CCSER1: variants seen among roughly 807,000 people sequenced by gnomAD.
CCSER1 encodes the protein serine-rich coiled-coil domain-containing protein 1.
Under a neutral mutation model 82.0 loss-of-function variants are expected in CCSER1, and 41 were observed. The ratio of observed to expected loss-of-function variants is 0.50; its 90% CI spans 0.39 to 0.65. The LOEUF (loss-of-function observed/expected upper bound fraction) is 0.65. Among genes scored for constraint, CCSER1 ranks in the 30% least tolerant of loss-of-function variants. The pLI is 0.00. For missense variants in CCSER1, 1,119 were observed against 1,064.2 expected, an observed-to-expected ratio of 1.05 and a Z score of -0.72; for synonymous variants, 414 against 383.9, an observed-to-expected ratio of 1.08 and a Z score of -0.92.
At chr4:90,966,370 C>A (rs1734561132) in intron 9 of CCSER1, among the ~76,000 whole-genome samples, 1 of 152,064 alleles carries the variant, frequency 6.6e-6, no homozygotes, top group Admixed American at 6.5e-5. Context: ...CCACTCATCA[C>A]ACAAAAGTCT....
intron 10 of CCSER1, among the ~76,000 whole-genome samples, chr4:91,367,621 G>T (rs1364820946): frequency 6.6e-6 from 1 of 151,822 alleles, no homozygotes. Flanking sequence ...TTGTAATCTT[G>T]TCTCATACAA....
Position 91,599,170 on chromosome 4 carries a change from G to A in CCSER1, c.*113G>A, listed in dbSNP as rs540134472. On this transcript the variant is annotated 3_prime_UTR_variant, in exon 11 of 11. Coordinates refer to ENST00000509176, the MANE Select transcript of CCSER1 (RefSeq NM_001145065.2). ...TTCTTACATTTTAGTTATAAACAGAGTTGTGTTGTTGGGTTTTTTTTCTTA... is the reference window on the plus strand; with the variant it reads ...TTCTTACATTTTAGTTATAAACAGAATTGTGTTGTTGGGTTTTTTTTCTTA... 2.6e-5 allele frequency: 34 copies of A among 1,288,144 alleles called. No individual in the cohort carries two copies. In the East Asian group the frequency reaches 8.8e-4, roughly 33 times the overall value. 79.8% of individuals were successfully genotyped at this position (1,288,144 alleles called of 1,614,324 possible).
intron 10 of CCSER1, among the ~76,000 whole-genome samples, chr4:91,168,401 C>CACCT (rs1732385813): frequency 7.0e-6 from 1 of 142,638 alleles, no homozygotes; most frequent in Non-Finnish European, 1.5e-5. Context: ...TCTGCCTGGC[C>CACCT]GCCCCGTCTG....
intron 4 of CCSER1, among the ~76,000 whole-genome samples, chr4:90,465,857 T>C (rs1763558942): frequency 6.6e-6 from 1 of 152,170 alleles, no homozygotes; most frequent in Non-Finnish European, 1.5e-5. Flanking sequence ...GAACCCTGTT[T>C]TTGGGGAGTG....
chr4:90,557,560 G>A (rs1778285883), intron 5 of CCSER1, among the ~76,000 whole-genome samples: 1 of 151,974 alleles, frequency 6.6e-6, no homozygotes, highest in South Asian at 2.1e-4. Flanking sequence ...ATCTATTTTA[G>A]TGAATACTGT....
chr4:90,983,341 T>A (rs1736293812), intron 9 of CCSER1, among the ~76,000 whole-genome samples: 2 of 151,886 alleles, frequency 1.3e-5, no homozygotes, highest in Non-Finnish European at 2.9e-5. Context: ...CTAATTTAAT[T>A]TTTTTCTCTT....
intron 10 of CCSER1, among the ~76,000 whole-genome samples, chr4:91,513,645 A>G (rs1216001195): frequency 6.6e-6 from 1 of 151,952 alleles, no homozygotes; most frequent in Admixed American, 6.6e-5. Context: ...TTGGAACATG[A>G]TATTGGTGTA....
chr4:90,194,908 AGT>A (rs1736314699), intron 1 of CCSER1, among the ~76,000 whole-genome samples: 2 of 152,212 alleles, frequency 1.3e-5, no homozygotes, highest in South Asian at 4.1e-4. Context: ...TTTTCTTTGA[AGT>A]GTATTAAGTT....
chr4:90,299,027 T>C (rs977226636), intron 1 of CCSER1, among the ~76,000 whole-genome samples: 4 of 152,108 alleles, frequency 2.6e-5, no homozygotes, highest in Non-Finnish European at 5.9e-5. Context: ...CATTAAAAAC[T>C]AAGATTGTAT....
chr4:91,472,563 G>A (rs1239709922), intron 10 of CCSER1, among the ~76,000 whole-genome samples: 3 of 152,100 alleles, frequency 2.0e-5, no homozygotes, highest in Non-Finnish European at 4.4e-5. Context: ...TTTGCTCATA[G>A]TTAGTAAATG....
At chr4:90,380,966 G>A (rs1008515843) in intron 3 of CCSER1, among the ~76,000 whole-genome samples, 1 of 152,346 alleles carries the variant, frequency 6.6e-6, no homozygotes, top group Non-Finnish European at 1.5e-5. Flanking sequence ...GAAACGATGC[G>A]GGAGCACAAA....
chr4:90,226,621 TA>T (rs1743207682), intron 1 of CCSER1, among the ~76,000 whole-genome samples: 1 of 152,240 alleles, frequency 6.6e-6, no homozygotes, highest in South Asian at 2.1e-4. Flanking sequence ...CACATATGAA[TA>T]AATATATTTA....
intron 9 of CCSER1, among the ~76,000 whole-genome samples, chr4:91,025,448 G>T (rs896096949): frequency 6.6e-6 from 1 of 152,000 alleles, no homozygotes; most frequent in Non-Finnish European, 1.5e-5. Flanking sequence ...TGATGTGCTG[G>T]CACTTTTAGA....
At chr4:91,136,799 A>G (rs1561577013) in intron 10 of CCSER1, among the ~76,000 whole-genome samples, 1 of 151,934 alleles carries the variant, frequency 6.6e-6, no homozygotes, top group Non-Finnish European at 1.5e-5. Context: ...CATGGTTCTT[A>G]TTTTTTTGTA....
chr4:90,513,215 G>C (rs1337867580), intron 5 of CCSER1, among the ~76,000 whole-genome samples: 2 of 152,174 alleles, frequency 1.3e-5, no homozygotes, highest in Non-Finnish European at 2.9e-5. Context: ...AGTATAAATA[G>C]TACTGCATTT....
At chr4:91,072,871 C>T (rs1448426337) in intron 9 of CCSER1, among the ~76,000 whole-genome samples, 1 of 151,968 alleles carries the variant, frequency 6.6e-6, no homozygotes, top group African/African-American at 2.4e-5. Flanking sequence ...TGCATAATGC[C>T]TGGCACCTAG....
chr4:90,848,048 A>G (rs1199989885), intron 8 of CCSER1, among the ~76,000 whole-genome samples: 2 of 152,198 alleles, frequency 1.3e-5, no homozygotes, highest in African/African-American at 4.8e-5. Flanking sequence ...GTTTGTTTGA[A>G]GCAAATTATT....
chr4:91,419,400 C>A (rs547474184), intron 10 of CCSER1, among the ~76,000 whole-genome samples: 1 of 151,816 alleles, frequency 6.6e-6, no homozygotes, highest in Non-Finnish European at 1.5e-5. Context: ...TATTAAAATT[C>A]AATTTCTGAA....
intron 8 of CCSER1, among the ~76,000 whole-genome samples, chr4:90,918,645 A>G (rs927532727): frequency 6.6e-6 from 1 of 151,346 alleles, no homozygotes; most frequent in Non-Finnish European, 1.5e-5. Flanking sequence ...AGAGATATAT[A>G]TATATATATT....
Sources: allele counts gnomAD v4.1 joint callset (sites outside exome capture counted in the v4.1 genomes callset), GRCh38; gene constraint gnomAD v4.1.1; transcripts MANE v1.5; gene names NCBI Gene and HGNC (gene_info 2026-07-23, HGNC 2026-07-21).